Variants in HMCN1 observed in about 807,000 individuals in gnomAD.
HMCN1 encodes hemicentin-1.
Under a neutral mutation model 625.9 loss-of-function variants are expected in HMCN1, and 321 were observed. That is an observed-to-expected ratio of 0.51 (90% CI 0.47 to 0.56). HMCN1 has a LOEUF of 0.56. Ranked by LOEUF, HMCN1 falls within the 20% of genes least tolerant of loss-of-function variation. The pLI is 0.00. For missense variants in HMCN1, 6,588 were observed against 6,887.3 expected, an observed-to-expected ratio of 0.96 and a Z score of 1.54; for synonymous variants, 2,425 against 2,417.6, an observed-to-expected ratio of 1.00 and a Z score of -0.09.
chr1:185,853,963 A>G (rs995688373), intron 2 of HMCN1, among the ~76,000 whole-genome samples: 19 of 152,194 alleles, frequency 1.2e-4, no homozygotes, highest in Non-Finnish European at 2.9e-5. Context: ...ACACTAAACT[A>G]TGATGCCTGG....
chr1:185,863,970 G>A (rs1663024392), intron 2 of HMCN1, among the ~76,000 whole-genome samples: 1 of 152,142 alleles, frequency 6.6e-6, no homozygotes, highest in Non-Finnish European at 1.5e-5. Flanking sequence ...TTAGTTCCCA[G>A]GTGAGTAGTT....
At chr1:185,823,655 C>T (rs547470534) in intron 1 of HMCN1, among the ~76,000 whole-genome samples, 2 of 152,148 alleles carry the variant, frequency 1.3e-5, no homozygotes, top group African/African-American at 2.4e-5. Context: ...GAGCTGTTCA[C>T]ATGACTGAAT....
chr1:185,850,658 A>G (rs952275247), intron 2 of HMCN1, among the ~76,000 whole-genome samples: 1 of 152,142 alleles, frequency 6.6e-6, no homozygotes, highest in Non-Finnish European at 1.5e-5. Context: ...CTATAAGATT[A>G]TATAATTTTA....
At chr1:185,735,813 C>G (rs1653522619) in intron 1 of HMCN1, among the ~76,000 whole-genome samples, 1 of 152,196 alleles carries the variant, frequency 6.6e-6, no homozygotes, top group Admixed American at 6.5e-5. Context: ...AGTAGCACCT[C>G]TCTGTGAGGC....
chr1:186,110,505 T>C (rs564118411), intron 71 of HMCN1, among the ~76,000 whole-genome samples: 2 of 152,282 alleles, frequency 1.3e-5, no homozygotes, highest in East Asian at 1.9e-4. Context: ...GCAATACATA[T>C]AGGTAATTAA....
At chr1:186,115,461 A>G in intron 75 of HMCN1, 47 bp downstream of exon 75, 5 of 1,538,782 alleles carry the variant, frequency 3.2e-6, no homozygotes, top group Non-Finnish European at 4.5e-6. Flanking sequence ...AACAGTTTGT[A>G]ATGAATCAAC....
chr1:186,157,840 T>C (rs1651133684), intron 97 of HMCN1, among the ~76,000 whole-genome samples: 2 of 152,162 alleles, frequency 1.3e-5, no homozygotes, highest in Admixed American at 1.3e-4. Flanking sequence ...CAGTCTATCA[T>C]TGTTGGACAT....
At chr1:185,885,831 T>A (rs1664609773) in intron 4 of HMCN1, among the ~76,000 whole-genome samples, 1 of 152,024 alleles carries the variant, frequency 6.6e-6, no homozygotes, top group African/African-American at 2.4e-5. Context: ...AAGGAAAAAT[T>A]GATTCCAATT....
At chr1:185,744,859 T>G (rs1654275839) in intron 1 of HMCN1, among the ~76,000 whole-genome samples, 1 of 152,130 alleles carries the variant, frequency 6.6e-6, no homozygotes, top group African/African-American at 2.4e-5. Flanking sequence ...GTGACATGAT[T>G]GGGTTTTTAT....
At chr1:185,794,348 T>C (rs770477885) in intron 1 of HMCN1, among the ~76,000 whole-genome samples, 10 of 151,464 alleles carry the variant, frequency 6.6e-5, no homozygotes, top group Non-Finnish European at 1.3e-4. Flanking sequence ...ATAGATTATA[T>C]ATATATATAT....
At chr1:186,105,377 T>C (rs1035436790) in intron 69 of HMCN1, among the ~76,000 whole-genome samples, 1 of 152,260 alleles carries the variant, frequency 6.6e-6, no homozygotes, top group Admixed American at 6.5e-5. Context: ...ATATTTTGCT[T>C]ATCTCAACTT....
At chr1:186,171,278 T>C (rs757463681) in intron 100 of HMCN1, 59 bp from the exon 101 acceptor site, 9 of 1,166,636 alleles carry the variant, frequency 7.7e-6, no homozygotes, top group Non-Finnish European at 1.2e-5. Context: ...ATGTTAAACA[T>C]TTGGGATAAA....
intron 32 of HMCN1, 92 bp from the exon 33 acceptor site, chr1:186,016,871 T>C (rs1319137201): frequency 1.3e-6 from 1 of 777,382 alleles, no homozygotes; most frequent in African/African-American, 1.7e-5. Flanking sequence ...TACCTATCAA[T>C]CTTCTGAACT....
In HMCN1 at chr1:186,083,366, A is replaced by G. The variant is rs182767892; in HGVS notation, c.8884+405A>G. Among the ~76,000 whole-genome samples, 18 of 152,162 alleles carry G rather than the reference A, an allele frequency of 1.2e-4. No homozygotes were observed. In the East Asian group the frequency reaches 3.5e-3, roughly 29 times the overall value. ...TCATGTTGAGCTATGTCCTCTAGTA[A>G]CTAATATACTCCCTGGAGAAGAAAA... On this transcript the variant is annotated intron_variant, in intron 57 of 106. Coordinates refer to ENST00000271588, the MANE Select transcript of HMCN1 (RefSeq NM_031935.3).
At chr1:185,980,408 TACAA>T (rs1418873723) in intron 16 of HMCN1, among the ~76,000 whole-genome samples, 4 of 152,232 alleles carry the variant, frequency 2.6e-5, no homozygotes, top group Non-Finnish European at 4.4e-5. Flanking sequence ...CTCATGTAGT[TACAA>T]ACAAAGTTAT....
At chr1:185,833,990 C>G (rs1349041888) in intron 1 of HMCN1, among the ~76,000 whole-genome samples, 1 of 152,168 alleles carries the variant, frequency 6.6e-6, no homozygotes, top group African/African-American at 2.4e-5. Context: ...AACACAGAGA[C>G]TGCACTTTAT....
intron 44 of HMCN1, among the ~76,000 whole-genome samples, 162 bp from the exon 45 acceptor site, chr1:186,055,231 G>A (rs1558180976): frequency 2.0e-5 from 3 of 151,982 alleles, no homozygotes; most frequent in African/African-American, 4.8e-5. Context: ...GAAGAATTCC[G>A]CCTCTCAGCA....
chr1:185,923,396 C>A lies in HMCN1; in HGVS notation c.1028C>A (p.Pro343His). 6.2e-7 allele frequency: 1 copy of A among 1,607,858 alleles called. No individual in the cohort carries two copies. The highest frequency in any genetic ancestry group is 1.1e-5 in the South Asian group (1 of 90,948). The change falls in exon 8 of 107, where the codon CCT becomes CAT. Residue 343 changes from proline to histidine, a missense_variant. Coordinates refer to ENST00000271588, the MANE Select transcript of HMCN1 (RefSeq NM_031935.3). The stretch of plus-strand genomic sequence containing the variant: ...CAAAATCTTTCTCTTGTAGGAATAC[C>A]TACCTATGTACTGCTCAATACTTCT... Reference protein sequence around the residue: ...KTVSRPVQGIPTYVLLNTSGI... With the variant: ...KTVSRPVQGIHTYVLLNTSGI...
At chr1:186,186,703 A>G (rs547904926) in intron 105 of HMCN1, among the ~76,000 whole-genome samples, 21 of 152,288 alleles carry the variant, frequency 1.4e-4, no homozygotes, top group Middle Eastern at 3.4e-3. Context: ...AGATGGGAAT[A>G]GAGACCTCCA....
Sources: allele counts gnomAD v4.1 joint callset (sites outside exome capture counted in the v4.1 genomes callset), GRCh38; gene constraint gnomAD v4.1.1; transcripts MANE v1.5; gene names NCBI Gene and HGNC (gene_info 2026-07-23, HGNC 2026-07-21).